SVIL: variants seen among roughly 807,000 people sequenced by gnomAD.
The protein encoded by SVIL is supervillin, also known as archvillin.
Under a neutral mutation model 240.4 loss-of-function variants are expected in SVIL, and 101 were observed. The ratio of observed to expected loss-of-function variants is 0.42; its 90% CI spans 0.36 to 0.50. SVIL has a LOEUF of 0.50. SVIL is among the 20% of genes least tolerant of loss of function. The pLI, the probability that SVIL is intolerant of heterozygous loss-of-function variation, is 0.01. For missense variants in SVIL, 2,512 were observed against 2,818.7 expected, an observed-to-expected ratio of 0.89 and a Z score of 2.46; for synonymous variants, 999 against 1,100.0, an observed-to-expected ratio of 0.91 and a Z score of 1.82.
chr10:29,497,688 C>G (rs1446063090), intron 18 of SVIL, among the ~76,000 whole-genome samples: 3 of 152,164 alleles, frequency 2.0e-5, no homozygotes, highest in African/African-American at 7.2e-5. Context: ...GGAGAAGGAC[C>G]TAGGAATTAA....
At chr10:29,509,509 G>A (rs1949669108) in intron 17 of SVIL, among the ~76,000 whole-genome samples, 1 of 152,162 alleles carries the variant, frequency 6.6e-6, no homozygotes, top group African/African-American at 2.4e-5. Flanking sequence ...GGAACTGCTG[G>A]TAAGTTTCCT....
At chr10:29,472,501 C>T (rs1019927452) in intron 30 of SVIL, among the ~76,000 whole-genome samples, 1 of 152,208 alleles carries the variant, frequency 6.6e-6, no homozygotes, top group African/African-American at 2.4e-5. Flanking sequence ...ATGGCATTGT[C>T]CTGTTTTCAA....
intron 1 of SVIL, among the ~76,000 whole-genome samples, chr10:29,630,928 G>A: frequency 6.6e-6 from 1 of 152,124 alleles, no homozygotes; most frequent in Non-Finnish European, 1.5e-5. Context: ...CTAGACCCTG[G>A]GGGTGGTAAG....
At chr10:29,520,917 TAA>T (rs11337474) in intron 16 of SVIL, among the ~76,000 whole-genome samples, 186 of 133,900 alleles carry the variant, frequency 1.4e-3, no homozygotes, top group Non-Finnish European at 1.1e-3. Flanking sequence ...ACCATTCCTC[TAA>T]AAAAAAAAAA....
At chr10:29,590,866 G>C (rs1168606191) in intron 1 of SVIL, among the ~76,000 whole-genome samples, 5 of 152,084 alleles carry the variant, frequency 3.3e-5, no homozygotes, top group Non-Finnish European at 7.4e-5. Context: ...ACCTCCCCCT[G>C]GTGGCAGAAA....
chr10:29,658,604 A>G (rs1959072710), intron 2 of SVIL, among the ~76,000 whole-genome samples: 1 of 152,148 alleles, frequency 6.6e-6, no homozygotes, highest in Admixed American at 6.5e-5. Context: ...AAAATTGAAC[A>G]AATTAGCTGA....
intron 1 of SVIL, among the ~76,000 whole-genome samples, chr10:29,690,438 T>C (rs955031902): frequency 1.3e-5 from 2 of 152,152 alleles, no homozygotes; most frequent in African/African-American, 4.8e-5. Flanking sequence ...GGATCTGCTG[T>C]TGAATCTTCA....
chr10:29,550,311 A>G (rs1038473746), intron 6 of SVIL, among the ~76,000 whole-genome samples: 9 of 151,856 alleles, frequency 5.9e-5, no homozygotes, highest in African/African-American at 2.2e-4. Context: ...GCGTGGTGGC[A>G]TGTGCCTGTG....
At chr10:29,491,412 C>G (rs890788515) in intron 21 of SVIL, among the ~76,000 whole-genome samples, 1 of 152,144 alleles carries the variant, frequency 6.6e-6, no homozygotes, top group Non-Finnish European at 1.5e-5. Context: ...TTGTCTGTTT[C>G]CGGCAAGCCC....
chr10:29,504,855 T>C (rs535302795), intron 17 of SVIL, among the ~76,000 whole-genome samples: 1 of 152,356 alleles, frequency 6.6e-6, no homozygotes. Flanking sequence ...GATACTCAAA[T>C]GAGTTGAAAA....
intron 1 of SVIL, among the ~76,000 whole-genome samples, chr10:29,707,986 G>A (rs570908830): frequency 3.9e-4 from 60 of 152,294 alleles, no homozygotes; most frequent in African/African-American, 1.3e-3. Flanking sequence ...GGCCATGCGC[G>A]GTGGCTCACG....
intron 1 of SVIL, among the ~76,000 whole-genome samples, chr10:29,616,054 T>C (rs2132891436): frequency 6.6e-6 from 1 of 152,354 alleles, no homozygotes; most frequent in East Asian, 1.9e-4. Context: ...CAATTCAAGG[T>C]TATTTCAGCA....
At chr10:29,733,047 C>A (rs978325717) in intron 1 of SVIL, among the ~76,000 whole-genome samples, 1 of 152,150 alleles carries the variant, frequency 6.6e-6, no homozygotes, top group African/African-American at 2.4e-5. Context: ...CACTACCAAC[C>A]TTTCCCTAGC....
intron 2 of SVIL, among the ~76,000 whole-genome samples, chr10:29,663,896 T>C (rs1959186625): frequency 1.3e-5 from 2 of 152,154 alleles, no homozygotes; most frequent in South Asian, 4.1e-4. Flanking sequence ...ACAGTCAAAA[T>C]AGCAACTGAC....
At chr10:29,529,175 C>CAAAAAAAAAAAAAAAAAAAAAAAAAAA in intron 12 of SVIL, among the ~76,000 whole-genome samples, 1 of 66,058 alleles carries the variant, frequency 1.5e-5, no homozygotes, top group Middle Eastern at 0.011. Context: ...GACTCTCTCT[C>CAAAAAAAAAAAAAAAAAAAAAAAAAAA]AAAAAAAAAA....
At chr10:29,495,996 A>C (rs1279976542) in intron 18 of SVIL, among the ~76,000 whole-genome samples, 1 of 152,212 alleles carries the variant, frequency 6.6e-6, no homozygotes, top group Non-Finnish European at 1.5e-5. Flanking sequence ...TGTTCTCTGT[A>C]CTCATTTGTA....
chr10:29,567,223 C>T (rs1463074708), intron 2 of SVIL, among the ~76,000 whole-genome samples: 9 of 152,168 alleles, frequency 5.9e-5, no homozygotes, highest in Non-Finnish European at 1.2e-4. Flanking sequence ...CTGCCCATAG[C>T]AGCACGGGGG....
chr10:29,678,761 G>C (rs1960398284), intron 2 of SVIL, among the ~76,000 whole-genome samples: 2 of 152,218 alleles, frequency 1.3e-5, no homozygotes, highest in South Asian at 4.1e-4. Flanking sequence ...TGGAAGATGT[G>C]TGGGGGATAT....
At chr10:29,685,106 G>A (rs955466098) in intron 2 of SVIL, among the ~76,000 whole-genome samples, 2 of 152,106 alleles carry the variant, frequency 1.3e-5, no homozygotes, top group African/African-American at 4.8e-5. Context: ...AGTATCTGTT[G>A]TTCCCCTCCT....
Sources: allele counts gnomAD v4.1 joint callset (sites outside exome capture counted in the v4.1 genomes callset), GRCh38; gene constraint gnomAD v4.1.1; transcripts MANE v1.5; gene names NCBI Gene and HGNC (gene_info 2026-07-23, HGNC 2026-07-21).